The following HDGFL2 variants were observed in gnomAD, a reference collection of about 807,000 sequenced individuals.
The protein encoded by HDGFL2 is HDGF like 2.
In HDGFL2, 36 loss-of-function variants were observed where a neutral mutation model predicts 77.1. The observed-to-expected ratio is 0.47, with a 90% CI of 0.36 to 0.62. The LOEUF is 0.62. Ranked by LOEUF, HDGFL2 falls within the 20% of genes least tolerant of loss-of-function variation. The probability of loss-of-function intolerance (pLI) is 0.00; values close to 1 mark genes in which losing one functional copy is unlikely to be tolerated. For missense variants in HDGFL2, 976 were observed against 973.4 expected (o/e 1.00, Z -0.04); for synonymous variants, 463 against 413.1 (o/e 1.12, Z -1.46).
At chr19:4,484,810 T>C (rs1975319286) in intron 3 of HDGFL2, among the ~76,000 whole-genome samples, 1 of 151,942 alleles carries the variant, frequency 6.6e-6, no homozygotes, top group Admixed American at 6.6e-5. Flanking sequence ...TTGCTGGGAC[T>C]ACAGGCACCC....
chr19:4,498,764 T>A, intron 12 of HDGFL2, 50 bp from the exon 13 acceptor site: 1 of 1,306,776 alleles, frequency 7.7e-7, no homozygotes, highest in South Asian at 1.2e-5. Context: ...CTGGGACCCC[T>A]GGGGATCCCT....
chr19:4,501,275 CGGA>C lies in HDGFL2; in HGVS notation c.1880_1882del (p.Glu627del). The C allele has an allele frequency of 1.9e-6, 3 of 1,611,952 alleles. No individual in the cohort carries two copies. Among genetic ancestry groups the C allele is most frequent in the Non-Finnish European group, 2.5e-6 (3 of 1,178,854 alleles). Reference sequence around the variant, plus strand: ...AAGGAGCACGAGGAGGGTCGGGACTCGGAGGAGGGGCCAAGGTGTGGCTCCTCT... The same window carrying C: ...AAGGAGCACGAGGAGGGTCGGGACTCGGAGGGGCCAAGGTGTGGCTCCTCT... On this transcript the variant is annotated inframe_deletion, in exon 15 of 16. Coordinates refer to ENST00000616600, the MANE Select transcript of HDGFL2 (RefSeq NM_001001520.3).
At chr19:4,484,187 G>C (rs1410416587) in intron 3 of HDGFL2, among the ~76,000 whole-genome samples, 1 of 149,172 alleles carries the variant, frequency 6.7e-6, no homozygotes, top group Non-Finnish European at 1.5e-5. Context: ...AGGTTCAAGT[G>C]ATTCTCGTGC....
chr19:4,480,556 TAA>T (rs924809739), intron 3 of HDGFL2, among the ~76,000 whole-genome samples: 3 of 152,106 alleles, frequency 2.0e-5, no homozygotes, highest in Non-Finnish European at 2.9e-5. Context: ...CCATCTCTAC[TAA>T]AAATGCAAAA....
intron 3 of HDGFL2, among the ~76,000 whole-genome samples, chr19:4,486,180 G>A (rs546511526): frequency 5.9e-5 from 9 of 152,202 alleles, no homozygotes; most frequent in Admixed American, 2.0e-4. Context: ...TGGCAAGGCT[G>A]GCCTGTGTGC....
chr19:4,501,460 A>G, intron 15 of HDGFL2, 143 bp downstream of exon 15: 1 of 989,640 alleles, frequency 1.0e-6, no homozygotes, highest in Non-Finnish European at 1.4e-6. Context: ...CCACCTTCAC[A>G]GCTGACCCCA....
chr19:4,493,030 GTGTGGTGTGTGGTATC>G (rs1975575856), intron 6 of HDGFL2, among the ~76,000 whole-genome samples: 2 of 141,654 alleles, frequency 1.4e-5, no homozygotes, highest in Admixed American at 7.1e-5. Context: ...TGTTATCTGT[GTGTGGTGTGTGGTATC>G]TGTGTGGTGT....
chr19:4,498,108 G>A, intron 11 of HDGFL2, 77 bp downstream of exon 11: 1 of 1,331,982 alleles, frequency 7.5e-7, no homozygotes, highest in Non-Finnish European at 1.0e-6. Flanking sequence ...TGGCTGGCCT[G>A]TCCCGCCTGT....
intron 3 of HDGFL2, among the ~76,000 whole-genome samples, chr19:4,484,896 C>T (rs1007471976): frequency 6.6e-6 from 1 of 152,014 alleles, no homozygotes; most frequent in Non-Finnish European, 1.5e-5. Context: ...TGGTCTCGAT[C>T]TCCTGACCTC....
chr19:4,501,389 GCTC>G, intron 15 of HDGFL2, 72 bp downstream of exon 15: 1 of 1,501,568 alleles, frequency 6.7e-7, no homozygotes, highest in African/African-American at 1.4e-5. Flanking sequence ...GGTCCGAGCC[GCTC>G]CTCCTGTGCC....
rs369609448 is a variant in HDGFL2 at position 4,486,775 on chromosome 19, C to T, written c.289-1901C>T. Among the ~76,000 whole-genome samples, 34 of 152,228 alleles carry T rather than the reference C, an allele frequency of 2.2e-4. 1 individual carries two copies. The highest frequency in any genetic ancestry group is 7.7e-4 in the African/African-American group (32 of 41,548). ...CATCCTCCTCTTCACCATCTCCACCCGCTTCTCTGTGCCCCATATGGGTAT... is the reference window on the plus strand; with the variant it reads ...CATCCTCCTCTTCACCATCTCCACCTGCTTCTCTGTGCCCCATATGGGTAT... On this transcript the variant is annotated intron_variant, in intron 3 of 15. Coordinates refer to ENST00000616600, the MANE Select transcript of HDGFL2 (RefSeq NM_001001520.3).
intron 1 of HDGFL2, among the ~76,000 whole-genome samples, chr19:4,473,202 G>T (rs1974990107): frequency 1.4e-5 from 2 of 141,914 alleles, no homozygotes; most frequent in African/African-American, 5.3e-5. Flanking sequence ...GAGCTGCGCC[G>T]TGGGGATCTG....
Position 4,475,589 on chromosome 19 carries a change from T to C in HDGFL2, c.288+6T>C. ...CCAGCTACAGCGCCCCTCCGGTGAGTACCCGGGGTGGAGAGCCAGTGTGAA... is the reference window on the plus strand; with the variant it reads ...CCAGCTACAGCGCCCCTCCGGTGAGCACCCGGGGTGGAGAGCCAGTGTGAA... On this transcript the variant is annotated splice_donor_region_variant and intron_variant, in intron 3 of 15. Transcript: ENST00000616600. 1.9e-6 allele frequency: 3 copies of C among 1,566,856 alleles called. No homozygotes were observed. The highest frequency in any genetic ancestry group is 2.6e-6 in the Non-Finnish European group (3 of 1,163,406).
intron 3 of HDGFL2, among the ~76,000 whole-genome samples, chr19:4,487,092 G>A (rs1274884761): frequency 6.6e-6 from 1 of 151,808 alleles, no homozygotes; most frequent in Admixed American, 6.6e-5. Context: ...AGCCTCCCGA[G>A]TAGCTGGGAT....
intron 1 of HDGFL2, among the ~76,000 whole-genome samples, chr19:4,473,977 A>G (rs1024624395): frequency 6.6e-6 from 1 of 151,954 alleles, no homozygotes; most frequent in African/African-American, 2.4e-5. Flanking sequence ...TGGGGTCCCG[A>G]CGACCTGGAT....
chr19:4,481,225 C>G (rs1199122904), intron 3 of HDGFL2, among the ~76,000 whole-genome samples: 1 of 119,362 alleles, frequency 8.4e-6, no homozygotes, highest in Admixed American at 1.1e-4. Flanking sequence ...GAGTCTTGCT[C>G]TGTCGCCCAG....
At chr19:4,473,387 G>T (rs1175621263) in intron 1 of HDGFL2, among the ~76,000 whole-genome samples, 1 of 151,772 alleles carries the variant, frequency 6.6e-6, no homozygotes, top group Non-Finnish European at 1.5e-5. Flanking sequence ...GGTGTCCAGG[G>T]TGCCTCAGGG....
chr19:4,500,084 G>T (rs1028815121), intron 14 of HDGFL2, among the ~76,000 whole-genome samples: 8 of 152,216 alleles, frequency 5.3e-5, no homozygotes, highest in Non-Finnish European at 7.3e-5. Flanking sequence ...TGGAGGCTCG[G>T]GGGCGGAGGC....
At position 4,494,284 on chromosome 19, in the gene HDGFL2, C is replaced by G; in HGVS notation, c.1033C>G (p.Gln345Glu). 2 of 1,450,392 alleles carry G rather than the reference C, an allele frequency of 1.4e-6. No individual in the cohort carries two copies. 89.8% of individuals were successfully genotyped at this position (1,450,392 alleles called of 1,614,324 possible). A position where few individuals can be genotyped will look rare whatever the true frequency, so the allele number is the denominator to read the frequency against. Residue 345 changes from glutamine to glutamate, a missense_variant, in exon 9 of 16, where the codon CAG (glutamine) becomes GAG (glutamate). Gln to Glu is a conservative substitution (Grantham distance 29). Coordinates refer to ENST00000616600, the MANE Select transcript of HDGFL2 (RefSeq NM_001001520.3). Reference protein sequence around the residue: ...QEEELRRLREQEKEEKERRRE... With the variant: ...QEEELRRLREEEKEEKERRRE... The stretch of plus-strand genomic sequence containing the variant: ...GGAGGAGCTGCGGCGCCTGCGGGAG[C>G]AGGAGAAGGAGGAGAAGGAGCGGAG...
Sources: allele counts gnomAD v4.1 joint callset (sites outside exome capture counted in the v4.1 genomes callset), GRCh38; gene constraint gnomAD v4.1.1; transcripts MANE v1.5; gene names NCBI Gene and HGNC (gene_info 2026-07-23, HGNC 2026-07-21).